TNFSF4: variants seen among roughly 807,000 people sequenced by gnomAD.
TNFSF4 encodes the protein TNF superfamily member 4, also known as tumor necrosis factor ligand superfamily member 4.
In TNFSF4, 4 loss-of-function variants were observed where a neutral mutation model predicts 7.3. That is an observed-to-expected ratio of 0.55 (90% CI 0.27 to 1.25). The LOEUF is 1.25. TNFSF4 is among the 50% of genes most tolerant of loss of function. TNFSF4 has a pLI of 0.12. For missense variants in TNFSF4, 181 were observed against 208.8 expected (o/e 0.87, Z 0.82); for synonymous variants, 76 against 83.7 (o/e 0.91, Z 0.50).
chr1:173,188,568 A>T lies in TNFSF4; in HGVS notation c.155T>A (p.Val52Glu), dbSNP rs778529876. 1 of 1,611,822 alleles carries T rather than the reference A, an allele frequency of 6.2e-7. No individual in the cohort carries two copies. The highest frequency in any genetic ancestry group is 1.3e-5 in the African/African-American group (1 of 75,026). Residue 52 changes from valine to glutamate, a missense_variant and splice_region_variant, in exon 2 of 3, where the codon GTA (valine) becomes GAA (glutamate). By Grantham distance (121) the Val-to-Glu change is moderately radical. Coordinates refer to ENST00000281834, the MANE Select transcript of TNFSF4 (RefSeq NM_003326.5). The stretch of plus-strand genomic sequence containing the variant: ...TTGAATTCGAGGATACCGATGTGAT[A>T]CCTGAGGGAGGAAGAAAGACATATT... ...YICLHFSALQVSHRYPRIQSI... is the reference protein window; with the variant it reads ...YICLHFSALQESHRYPRIQSI...
the TNFSF4 span, among the ~76,000 whole-genome samples, chr1:173,243,396 G>T: frequency 6.6e-6 from 1 of 152,070 alleles, no homozygotes; most frequent in African/African-American, 2.4e-5. Flanking sequence ...AAGAGCTTCA[G>T]CCCAGAACTC....
the TNFSF4 span, among the ~76,000 whole-genome samples, chr1:173,344,823 A>G: frequency 6.6e-6 from 1 of 152,254 alleles, no homozygotes; most frequent in African/African-American, 2.4e-5. Flanking sequence ...GAAGTTTTAT[A>G]CAAACTTCCA....
upstream of TNFSF4, among the ~76,000 whole-genome samples, chr1:173,208,524 A>T (rs757780916): frequency 2.0e-5 from 3 of 152,226 alleles, no homozygotes; most frequent in Non-Finnish European, 4.4e-5. Context: ...TAAAATATGA[A>T]TTAATACCTT....
At chr1:173,217,466 T>C in the TNFSF4 span, among the ~76,000 whole-genome samples, 1 of 152,186 alleles carries the variant, frequency 6.6e-6, no homozygotes, top group East Asian at 1.9e-4. Flanking sequence ...CCACAAATGA[T>C]AGATAAATAA....
chr1:173,300,976 C>A, the TNFSF4 span, among the ~76,000 whole-genome samples: 3 of 151,738 alleles, frequency 2.0e-5, no homozygotes, highest in African/African-American at 4.8e-5. Context: ...TTTACGTGAA[C>A]GAATGATAAC....
the TNFSF4 span, among the ~76,000 whole-genome samples, chr1:173,222,754 T>A: frequency 2.6e-5 from 4 of 152,324 alleles, no homozygotes; most frequent in East Asian, 7.7e-4. Context: ...CATAATGGTG[T>A]CTTTTTAATA....
the TNFSF4 span, among the ~76,000 whole-genome samples, chr1:173,400,663 GA>G: frequency 6.6e-6 from 1 of 152,176 alleles, no homozygotes; most frequent in African/African-American, 2.4e-5. Context: ...ACTCCCAAGG[GA>G]AAATGAACTA....
chr1:173,275,022 G>C, the TNFSF4 span, among the ~76,000 whole-genome samples: 1 of 152,156 alleles, frequency 6.6e-6, no homozygotes, highest in Admixed American at 6.6e-5. Context: ...AAGGGCTTAA[G>C]CAATCTCTAA....
At chr1:173,449,586 A>G in the TNFSF4 span, among the ~76,000 whole-genome samples, 1 of 152,056 alleles carries the variant, frequency 6.6e-6, no homozygotes, top group East Asian at 1.9e-4. Context: ...GCATCTGCCT[A>G]CTTCAGTCTC....
chr1:173,307,190 T>TA, the TNFSF4 span, among the ~76,000 whole-genome samples: 18 of 150,812 alleles, frequency 1.2e-4, no homozygotes, highest in Admixed American at 5.3e-4. Flanking sequence ...TTGCTCACAA[T>TA]AAAAAAAAAT....
the TNFSF4 span, among the ~76,000 whole-genome samples, chr1:173,326,677 T>A: frequency 1.3e-5 from 2 of 152,128 alleles, no homozygotes; most frequent in Admixed American, 6.5e-5. Context: ...AGTCTCAGGA[T>A]ACAAAATCAA....
At chr1:173,410,621 C>A in the TNFSF4 span, among the ~76,000 whole-genome samples, 1 of 152,262 alleles carries the variant, frequency 6.6e-6, no homozygotes, top group African/African-American at 2.4e-5. Context: ...TAGGAAGCCC[C>A]CAGTGGTACC....
the TNFSF4 span, among the ~76,000 whole-genome samples, chr1:173,353,173 A>C: frequency 6.6e-6 from 1 of 152,214 alleles, no homozygotes; most frequent in Non-Finnish European, 1.5e-5. Flanking sequence ...ATACATCCTC[A>C]GGTTACAAAG....
the TNFSF4 span, among the ~76,000 whole-genome samples, chr1:173,442,545 G>GTTTTTTTTTTTTTTTTTTTTTTTTT: frequency 5.4e-5 from 5 of 93,450 alleles, 2 homozygotes; most frequent in Non-Finnish European, 2.2e-5. Flanking sequence ...TTTCGTTTTT[G>GTTTTTTTTTTTTTTTTTTTTTTTTT]TTTTTGTTTT....
chr1:173,303,544 G>A, the TNFSF4 span, among the ~76,000 whole-genome samples: 2 of 151,950 alleles, frequency 1.3e-5, no homozygotes, highest in African/African-American at 2.4e-5. Flanking sequence ...CCGAGATGAC[G>A]GCGCTCCTGC....
intron 1 of TNFSF4, 73 bp from the exon 2 acceptor site, chr1:173,188,642 G>C (rs1649340133): frequency 7.8e-7 from 1 of 1,274,764 alleles, no homozygotes; most frequent in Non-Finnish European, 1.1e-6. Flanking sequence ...ATATTTAATG[G>C]AACAGTGAAG....
At chr1:173,403,654 A>G in the TNFSF4 span, among the ~76,000 whole-genome samples, 849 of 152,352 alleles carry the variant, frequency 5.6e-3, 3 homozygotes, top group Middle Eastern at 0.02. Context: ...CTGTAATCCC[A>G]GCACTTTGGG....
the TNFSF4 span, among the ~76,000 whole-genome samples, chr1:173,325,910 G>A: frequency 3.4e-4 from 52 of 152,336 alleles, no homozygotes; most frequent in Non-Finnish European, 7.1e-4. Context: ...GGACCAGATG[G>A]ATTCACAGCC....
chr1:173,312,609 A>G, the TNFSF4 span, among the ~76,000 whole-genome samples: 4 of 152,110 alleles, frequency 2.6e-5, no homozygotes, highest in African/African-American at 9.7e-5. Context: ...TAGATTTCCT[A>G]AAAGTTCACT....
Sources: allele counts gnomAD v4.1 joint callset (sites outside exome capture counted in the v4.1 genomes callset), GRCh38; gene constraint gnomAD v4.1.1; transcripts MANE v1.5; gene names NCBI Gene and HGNC (gene_info 2026-07-23, HGNC 2026-07-21).